BCAS3: variants seen among roughly 807,000 people sequenced by gnomAD.
The protein encoded by BCAS3 is BCAS4/BCAS3 fusion.
Under a neutral mutation model 116.1 loss-of-function variants are expected in BCAS3, and 53 were observed. That is an observed-to-expected ratio of 0.46 (90% confidence interval 0.37 to 0.57). The LOEUF (loss-of-function observed/expected upper bound fraction) is 0.57, where lower values mean the gene tolerates loss of function less well. BCAS3 is among the 20% of genes least tolerant of loss of function. The probability of loss-of-function intolerance (pLI) is 0.00; values close to 1 mark genes in which losing one functional copy is unlikely to be tolerated. For synonymous variants in BCAS3, 391 were observed against 408.2 expected (o/e 0.96, Z 0.51); for missense variants, 917 against 1,165.4 (o/e 0.79, Z 3.10).
At chr17:61,225,946 CA>C in intron 22 of BCAS3, among the ~76,000 whole-genome samples, 1 of 152,120 alleles carries the variant, frequency 6.6e-6, no homozygotes, top group Non-Finnish European at 1.5e-5. Flanking sequence ...GCTATGGAAA[CA>C]ATACTGTTTT....
At chr17:60,882,162 G>T (rs1430214699) in intron 9 of BCAS3, among the ~76,000 whole-genome samples, 1 of 152,038 alleles carries the variant, frequency 6.6e-6, no homozygotes, top group Non-Finnish European at 1.5e-5. Context: ...ATCTCATTGT[G>T]GTTTTAATTT....
At chr17:61,094,918 T>C (rs1484046622) in intron 22 of BCAS3, among the ~76,000 whole-genome samples, 1 of 152,246 alleles carries the variant, frequency 6.6e-6, no homozygotes, top group African/African-American at 2.4e-5. Flanking sequence ...TATTAAAATA[T>C]ATCAGCATTT....
intron 14 of BCAS3, among the ~76,000 whole-genome samples, chr17:60,986,167 A>G (rs2063131369): frequency 2.0e-5 from 3 of 152,170 alleles, no homozygotes; most frequent in Admixed American, 2.0e-4. Context: ...ATGACAGGAT[A>G]TTATTCTTTC....
chr17:61,240,875 C>T (rs903338124), intron 22 of BCAS3, among the ~76,000 whole-genome samples: 1 of 152,158 alleles, frequency 6.6e-6, no homozygotes, highest in Non-Finnish European at 1.5e-5. Context: ...CGAAAAGAAG[C>T]ATTTTTAAAA....
chr17:60,762,277 G>A (rs567280419), intron 6 of BCAS3, among the ~76,000 whole-genome samples: 1 of 152,172 alleles, frequency 6.6e-6, no homozygotes, highest in African/African-American at 2.4e-5. Flanking sequence ...CTTTTCCCAC[G>A]TCTGTGTCCT....
At chr17:60,901,256 T>A (rs1321400686) in intron 10 of BCAS3, among the ~76,000 whole-genome samples, 1 of 151,922 alleles carries the variant, frequency 6.6e-6, no homozygotes, top group Non-Finnish European at 1.5e-5. Context: ...GTTGTTGTTG[T>A]TGTTTTTTAC....
intron 9 of BCAS3, among the ~76,000 whole-genome samples, chr17:60,876,365 CTA>C (rs2055605052): frequency 6.6e-6 from 1 of 151,986 alleles, no homozygotes; most frequent in Non-Finnish European, 1.5e-5. Flanking sequence ...GGCCTTTTCA[CTA>C]ATACCCCTTC....
At chr17:60,833,312 T>C (rs771686081) in intron 7 of BCAS3, among the ~76,000 whole-genome samples, 11 of 152,220 alleles carry the variant, frequency 7.2e-5, no homozygotes, top group Non-Finnish European at 1.0e-4. Context: ...AGCACTTTTT[T>C]TATAATGCAA....
rs2057640941 is a variant in BCAS3, at chr17:61,348,557, C to T, written c.2426-19770C>T. The stretch of plus-strand genomic sequence containing the variant: ...GAGTTGCAGAGAGAATAAAGCGAGG[C>T]CTTGGGAGAGACTTGGGAGCGGTCA... On this transcript the variant is annotated intron_variant, in intron 22 of 23. Transcript: ENST00000407086. The surrounding 1 kb of genome is among the most constrained non-coding windows in gnomAD (Gnocchi z 4.5). 6.6e-6 allele frequency among the ~76,000 whole-genome samples: 1 copy of T among 151,892 alleles called. No homozygotes were observed. Among genetic ancestry groups the T allele is most frequent in the African/African-American group, 2.4e-5 (1 of 41,322 alleles).
chr17:60,757,388 A>ATG (rs1226198309), intron 6 of BCAS3, among the ~76,000 whole-genome samples: 1 of 137,480 alleles, frequency 7.3e-6, no homozygotes, highest in Non-Finnish European at 1.5e-5. Context: ...CCTTGCCAGC[A>ATG]TGTATATGTG....
At chr17:60,899,484 C>T in intron 10 of BCAS3, among the ~76,000 whole-genome samples, 1 of 152,068 alleles carries the variant, frequency 6.6e-6, no homozygotes, top group Non-Finnish European at 1.5e-5. Context: ...ACCCTAGTCC[C>T]AGCAGTGACA....
intron 5 of BCAS3, chr17:60,727,540 C>G: frequency 7.9e-7 from 1 of 1,260,614 alleles, no homozygotes; most frequent in Non-Finnish European, 1.1e-6. Flanking sequence ...ATCTGAGACT[C>G]TCGCCTCGCA....
At chr17:61,371,609 G>GT (rs2059046684) in intron 23 of BCAS3, among the ~76,000 whole-genome samples, 3 of 152,276 alleles carry the variant, frequency 2.0e-5, no homozygotes, top group Admixed American at 2.0e-4. Context: ...AGTATGTGAG[G>GT]TAATGCATGT....
chr17:60,855,532 G>T (rs2053602788), intron 7 of BCAS3, among the ~76,000 whole-genome samples: 1 of 145,308 alleles, frequency 6.9e-6, no homozygotes, highest in Admixed American at 7.0e-5. Context: ...TCGGCTCACT[G>T]CAAGCTCCAC....
rs966482657 is a variant in BCAS3, at chr17:61,241,818, A to C, written c.2426-126509A>C. ...TAACATCATTTAACATGTAAAATAA[A>C]ATTTTGTTGAATAAATGTTAAATGT... On this transcript the variant is annotated intron_variant, in intron 22 of 23. Coordinates refer to ENST00000407086, the MANE Select transcript of BCAS3 (RefSeq NM_017679.5). The surrounding 1 kb of genome is among the most constrained non-coding windows in gnomAD (Gnocchi z 4.6). 2.0e-5 allele frequency among the ~76,000 whole-genome samples: 3 copies of C among 152,232 alleles called. No individual in the cohort carries two copies. The highest frequency in any genetic ancestry group is 7.2e-5 in the African/African-American group (3 of 41,460).
intron 20 of BCAS3, 48 bp downstream of exon 20, chr17:61,075,068 T>C: frequency 7.0e-7 from 1 of 1,425,064 alleles, no homozygotes; most frequent in Non-Finnish European, 9.8e-7. Flanking sequence ...AAAACAGAAA[T>C]TTACTGTTTT....
Position 61,029,311 on chromosome 17 carries a change from C to T in BCAS3, c.1638-5355C>T, listed in dbSNP as rs534705683. Among the ~76,000 whole-genome samples, 5 of 151,928 alleles carry T rather than the reference C, an allele frequency of 3.3e-5. No homozygotes were observed. The South Asian group carries it at 6.2e-4, about 19-fold the overall frequency. ...TACATTCATATACTTTCAGATGAGT[C>T]GTTATAAAATACAGTCGTTCCCTTT... On this transcript the variant is annotated intron_variant, in intron 16 of 23. Coordinates refer to ENST00000407086, the MANE Select transcript of BCAS3 (RefSeq NM_017679.5). The surrounding 1 kb of genome is among the most constrained non-coding windows in gnomAD (Gnocchi z 5.2).
At chr17:60,882,715 T>C (rs1207087606) in intron 9 of BCAS3, among the ~76,000 whole-genome samples, 1 of 147,444 alleles carries the variant, frequency 6.8e-6, no homozygotes, top group Non-Finnish European at 1.5e-5. Context: ...TCCCCATTGC[T>C]TGTTTTTGTC....
Position 61,392,418 on chromosome 17 carries a change from A to T in BCAS3, c.*293A>T. The T allele has an allele frequency of 1.5e-5, 3 of 203,156 alleles. No homozygotes were observed. The highest frequency in any genetic ancestry group is 2.8e-5 in the Non-Finnish European group (3 of 106,034). 12.6% of individuals were successfully genotyped at this position (203,156 alleles called of 1,614,324 possible). On this transcript the variant is annotated 3_prime_UTR_variant, in exon 24 of 24. Coordinates refer to ENST00000407086, the MANE Select transcript of BCAS3 (RefSeq NM_017679.5). This position sits in a 1 kb window ranked among gnomAD's most constrained non-coding sequence, Gnocchi z 6.4. Reference sequence around the variant, plus strand: ...CATCCTGCATTGGATCCGCTTTTGTATTTTTTAACCATACCCACGGTGGGG... The same window carrying T: ...CATCCTGCATTGGATCCGCTTTTGTTTTTTTTAACCATACCCACGGTGGGG...
Sources: allele counts gnomAD v4.1 joint callset (sites outside exome capture counted in the v4.1 genomes callset), GRCh38; gene constraint gnomAD v4.1.1; non-coding constraint Gnocchi (gnomAD v3.1); transcripts MANE v1.5; gene names NCBI Gene and HGNC (gene_info 2026-07-23, HGNC 2026-07-21).